TRMT112: variants seen among roughly 807,000 people sequenced by gnomAD.
TRMT112 encodes tRNA methyltransferase activator subunit 11-2, also known as multifunctional methyltransferase subunit TRM112-like protein.
In TRMT112, 9 loss-of-function variants were observed where a neutral mutation model predicts 13.8. That is an observed-to-expected ratio of 0.65 (90% CI 0.39 to 1.14). TRMT112 has a LOEUF of 1.14. TRMT112 is among the 50% of genes most tolerant of loss of function. The pLI is 0.01. For synonymous variants in TRMT112, 64 were observed against 67.0 expected (o/e 0.96, Z 0.22); for missense variants, 196 against 165.5 (o/e 1.18, Z -1.01).
At chr11:64,318,210 G>A (rs755560689), upstream of TRMT112, 2 of 1,611,312 alleles carry the variant, frequency 1.2e-6, no homozygotes, top group Non-Finnish European at 1.7e-6. Context: ...TGGCCGTGGG[G>A]CGGGTATGGG....
upstream of TRMT112, chr11:64,318,005 C>G (rs2035352885): frequency 2.8e-6 from 4 of 1,412,276 alleles, no homozygotes; most frequent in Admixed American, 3.1e-5. Flanking sequence ...AAAGCTCCGC[C>G]CCATTTGTAG....
At chr11:64,318,191 G>T, upstream of TRMT112, 3 of 1,610,612 alleles carry the variant, frequency 1.9e-6, no homozygotes, top group Non-Finnish European at 2.5e-6. Context: ...CCAGGAGGCG[G>T]AGTGGAAGTG....
At chr11:64,318,003 G>A (rs1484479183), upstream of TRMT112, 2 of 1,410,294 alleles carry the variant, frequency 1.4e-6, no homozygotes, top group Admixed American at 3.2e-5. Context: ...CGAAAGCTCC[G>A]CCCCATTTGT....
upstream of TRMT112, chr11:64,318,401 G>A (rs759109432): frequency 6.3e-7 from 1 of 1,594,724 alleles, no homozygotes; most frequent in Non-Finnish European, 8.5e-7. Flanking sequence ...CCGCTGGCCC[G>A]GCCGGGCCTG....
At chr11:64,317,942 T>G (rs1052560165), upstream of TRMT112, 3 of 1,380,752 alleles carry the variant, frequency 2.2e-6, no homozygotes, top group Non-Finnish European at 2.8e-6. Context: ...ATTAGGCCCA[T>G]GGAAGCCGAG....
At chr11:64,317,228 C>A (rs754159837) in intron 2 of TRMT112, 36 bp downstream of exon 2, 1 of 1,607,558 alleles carries the variant, frequency 6.2e-7, no homozygotes, top group South Asian at 1.1e-5. Context: ...GCCCCGCATT[C>A]CCCGGGATAT....
At position 64,316,948 on chromosome 11, in the gene TRMT112, G is replaced by C; in HGVS notation, c.291C>G (p.Thr97=). Reference sequence around the variant, plus strand: ...TACGTCCAGATTCCGGGCACTGCAGGGTGCCCTCTATCACTTCCACCTGCG... The same window carrying C: ...TACGTCCAGATTCCGGGCACTGCAGCGTGCCCTCTATCACTTCCACCTGCG... ...LLLEVEVIEG[T]LQCPESGRMF... is the part of the protein sequence containing the mutation. Residue 97 remains threonine, a synonymous_variant, in exon 4 of 4, where the codon ACC becomes ACG. Coordinates refer to ENST00000544844, the MANE Select transcript of TRMT112 (RefSeq NM_016404.3). 1 of 1,611,734 alleles carries C rather than the reference G, an allele frequency of 6.2e-7. No individual in the cohort carries two copies. The highest frequency in any genetic ancestry group is 1.1e-5 in the South Asian group (1 of 91,032).
upstream of TRMT112, chr11:64,317,637 TG>T (rs41294434): frequency 2.1e-3 from 2,479 of 1,205,924 alleles, 13 homozygotes; most frequent in Middle Eastern, 0.012. Flanking sequence ...GAACCGGAAG[TG>T]GCGAACTTGC....
chr11:64,318,422 C>G (rs373094666), upstream of TRMT112: 2,978 of 1,578,588 alleles, frequency 1.9e-3, 21 homozygotes, highest in South Asian at 6.9e-3. Context: ...ACATCCCCCA[C>G]TACCCCCATG....
At chr11:64,318,330 G>A (rs1411830428), upstream of TRMT112, 1 of 1,612,544 alleles carries the variant, frequency 6.2e-7, no homozygotes, top group South Asian at 1.1e-5. Flanking sequence ...AGGAGAGTGG[G>A]CGTCTGGCGG....
At chr11:64,318,189 C>T (rs1185685619), upstream of TRMT112, 2 of 1,609,970 alleles carry the variant, frequency 1.2e-6, no homozygotes, top group South Asian at 1.1e-5. Flanking sequence ...AGCCAGGAGG[C>T]GGAGTGGAAG....
chr11:64,318,046 C>T (rs2035354317), upstream of TRMT112: 1 of 1,434,020 alleles, frequency 7.0e-7, no homozygotes, highest in Non-Finnish European at 9.1e-7. Flanking sequence ...CCAGTGCAAA[C>T]GAGGCGTGGG....
upstream of TRMT112, chr11:64,318,145 C>T (rs905393225): frequency 1.9e-6 from 3 of 1,590,322 alleles, no homozygotes; most frequent in African/African-American, 2.7e-5. Flanking sequence ...CGCCGCTGTG[C>T]CGCTAGCGGT....
chr11:64,317,019 G>A (rs1454555075), intron 3 of TRMT112, 39 bp downstream of exon 3: 2 of 1,613,130 alleles, frequency 1.2e-6, no homozygotes, highest in East Asian at 4.5e-5. Context: ...AGTGCGGGAG[G>A]CAGGTGGCCC....
upstream of TRMT112, chr11:64,317,699 C>A (rs574303235): frequency 1.0e-5 from 8 of 789,086 alleles, no homozygotes; most frequent in African/African-American, 1.0e-4. Flanking sequence ...AAAGACCTGT[C>A]GGGTCACGCG....
At chr11:64,317,612 A>G, upstream of TRMT112, 1 of 1,347,908 alleles carries the variant, frequency 7.4e-7, no homozygotes, top group Non-Finnish European at 1.0e-6. Context: ...TCTCGATGCT[A>G]TTGGATAGCC....
chr11:64,318,152 C>A, upstream of TRMT112: 1 of 1,597,836 alleles, frequency 6.3e-7, no homozygotes. Context: ...GTGCCGCTAG[C>A]GGTGCCCCGC....
Position 64,317,278 on chromosome 11 carries a change from C to T in TRMT112, c.166G>A (p.Glu56Lys). Residue 56 changes from glutamate (E) to lysine (K), a missense_variant, in exon 2 of 4, where the codon GAG becomes AAG. Glu to Lys is a moderately conservative substitution (Grantham distance 56). Transcript: ENST00000544844. Reference sequence around the variant, plus strand: ...AGGATCCTCACGTTATCGGCCGCCTCCAGGAACGCCGACCACTCCACTTTA... The same window carrying T: ...AGGATCCTCACGTTATCGGCCGCCTTCAGGAACGCCGACCACTCCACTTTA... ...IPKVEWSAFL[E>K]AADNLRLIQV... 1 of 1,610,930 alleles carries T rather than the reference C, an allele frequency of 6.2e-7. No homozygotes were observed.
Position 64,316,887 on chromosome 11 carries a change from G to C in TRMT112, c.352C>G (p.Leu118Val), listed in dbSNP as rs749971965. ...CAACTCTCAGTTTCCTCTTCACTCA[G>C]CAGCATGTTGGGGATCCCGCGGCTG... ...PISRGIPNML[L>V]SEEETES The change falls in exon 4 of 4, where the codon CTG becomes GTG. Residue 118 changes from leucine (L) to valine (V), a missense_variant. Transcript: ENST00000544844. 1.9e-6 allele frequency: 3 copies of C among 1,602,916 alleles called. No homozygotes were observed. In the African/African-American group the frequency reaches 4.0e-5, roughly 21 times the overall value.
Sources: gnomAD v4.1 joint callset for allele counts on GRCh38, gnomAD v4.1.1 for gene constraint, MANE v1.5 for transcripts, NCBI Gene and HGNC (gene_info 2026-07-23, HGNC 2026-07-21) for gene names.